The following BRMS1L variants were observed in gnomAD, a reference collection of about 807,000 sequenced individuals.
The protein encoded by BRMS1L is breast cancer metastasis-suppressor 1-like protein.
Under a neutral mutation model 50.3 loss-of-function variants are expected in BRMS1L, and 23 were observed. The ratio of observed to expected loss-of-function variants is 0.46; its 90% CI spans 0.33 to 0.65. The LOEUF (loss-of-function observed/expected upper bound fraction) is 0.65, where lower values mean the gene tolerates loss of function less well. Ranked by LOEUF, BRMS1L falls within the 30% of genes least tolerant of loss-of-function variation. The pLI is 0.02. For missense variants in BRMS1L, 286 were observed against 386.1 expected (o/e 0.74, Z 2.17); for synonymous variants, 114 against 126.9 (o/e 0.90, Z 0.69).
rs189941621 is a variant in BRMS1L at position 35,869,198 on chromosome 14, C to T, written c.855-1162C>T. On this transcript the variant is annotated intron_variant, in intron 9 of 9. Transcript: ENST00000216807. The stretch of plus-strand genomic sequence containing the variant: ...AGTTTATATATGATACTCCTGGATT[C>T]TTCTGTTTATGTTATTGTTTTTGAG... Among the ~76,000 whole-genome samples the T allele has an allele frequency of 4.0e-4, 61 of 152,194 alleles. No homozygotes were observed. In the Middle Eastern group the frequency reaches 0.014, roughly 34 times the overall value.
chr14:35,848,697 A>G (rs2078169227), intron 4 of BRMS1L, among the ~76,000 whole-genome samples: 1 of 152,132 alleles, frequency 6.6e-6, no homozygotes, highest in Non-Finnish European at 1.5e-5. Flanking sequence ...CTACATGTAA[A>G]TGAGATCATA....
intron 2 of BRMS1L, 129 bp from the exon 3 acceptor site, chr14:35,832,849 C>T: frequency 1.2e-6 from 1 of 839,638 alleles, no homozygotes; most frequent in Non-Finnish European, 1.7e-6. Flanking sequence ...TGCTTGAGAT[C>T]AAGGCAAAAT....
chr14:35,831,383 C>A, intron 1 of BRMS1L, 27 bp from the exon 2 acceptor site: 1 of 1,531,336 alleles, frequency 6.5e-7, no homozygotes, highest in Non-Finnish European at 9.0e-7. Context: ...TTAAGTTTAT[C>A]TTTTATATTT....
In BRMS1L at chr14:35,871,228, G is replaced by A. The variant is rs1189665101; in HGVS notation, c.*751G>A. The stretch of plus-strand genomic sequence containing the variant: ...GGTATTTATACCTGGTATTTATGAT[G>A]CAGTATATAAGTGGTGAACAATAAC... On this transcript the variant is annotated 3_prime_UTR_variant, in exon 10 of 10. Coordinates refer to ENST00000216807, the MANE Select transcript of BRMS1L (RefSeq NM_032352.4). 4 of 152,572 alleles carry A rather than the reference G, an allele frequency of 2.6e-5. No homozygotes were observed. Among genetic ancestry groups the A allele is most frequent in the Non-Finnish European group, 5.9e-5 (4 of 68,014 alleles). The allele number at this position is 152,572 out of a possible 1,614,324, so 9.5% of individuals were successfully genotyped here.
At chr14:35,828,212 G>C (rs537953589) in intron 1 of BRMS1L, among the ~76,000 whole-genome samples, 29 of 151,842 alleles carry the variant, frequency 1.9e-4, no homozygotes, top group African/African-American at 6.0e-4. Flanking sequence ...TCGCTCTGTT[G>C]CCCAGGCTGG....
chr14:35,836,999 G>A (rs930291277), intron 4 of BRMS1L, among the ~76,000 whole-genome samples: 1 of 151,994 alleles, frequency 6.6e-6, no homozygotes, highest in African/African-American at 2.4e-5. Flanking sequence ...TCTCTTTGTA[G>A]CAATTGTAAA....
At chr14:35,844,196 G>A (rs1330377586) in intron 4 of BRMS1L, among the ~76,000 whole-genome samples, 1 of 152,126 alleles carries the variant, frequency 6.6e-6, no homozygotes, top group Non-Finnish European at 1.5e-5. Flanking sequence ...GGAAGTAAAT[G>A]GTTCTTTCTC....
intron 4 of BRMS1L, among the ~76,000 whole-genome samples, chr14:35,853,475 G>A (rs908369017): frequency 6.6e-6 from 1 of 152,002 alleles, no homozygotes; most frequent in South Asian, 2.1e-4. Context: ...GTGCAGTGGT[G>A]TGATCGTGGC....
At chr14:35,853,398 TTAA>T (rs569904539) in intron 4 of BRMS1L, among the ~76,000 whole-genome samples, 172 of 151,304 alleles carry the variant, frequency 1.1e-3, no homozygotes, top group Non-Finnish European at 2.0e-3. Context: ...GATGATGATG[TTAA>T]TGATGATGAT....
At chr14:35,856,702 C>G (rs1355317783) in intron 4 of BRMS1L, among the ~76,000 whole-genome samples, 1 of 151,896 alleles carries the variant, frequency 6.6e-6, no homozygotes, top group Non-Finnish European at 1.5e-5. Context: ...AACTCTGCCT[C>G]CCAGGCTTAA....
At chr14:35,829,980 A>G (rs960231689) in intron 1 of BRMS1L, 2 of 349,518 alleles carry the variant, frequency 5.7e-6, no homozygotes, top group African/African-American at 4.5e-5. Flanking sequence ...TGATAGTAAT[A>G]TGGGTAGACG....
chr14:35,836,521 T>C (rs971942910), intron 4 of BRMS1L, among the ~76,000 whole-genome samples: 1 of 152,056 alleles, frequency 6.6e-6, no homozygotes. Context: ...TTAAAATTTT[T>C]TGTAGAGAAG....
At chr14:35,827,798 T>C (rs1304996287) in intron 1 of BRMS1L, among the ~76,000 whole-genome samples, 1 of 152,184 alleles carries the variant, frequency 6.6e-6, no homozygotes, top group Non-Finnish European at 1.5e-5. Context: ...CAATATTGGG[T>C]GGTCACAAAG....
intron 4 of BRMS1L, among the ~76,000 whole-genome samples, chr14:35,854,900 C>T (rs529606239): frequency 3.9e-5 from 6 of 152,332 alleles, no homozygotes; most frequent in Non-Finnish European, 7.3e-5. Context: ...TTGGAAGGTG[C>T]AGGTAGTCTG....
intron 9 of BRMS1L, among the ~76,000 whole-genome samples, chr14:35,869,742 A>G (rs972838265): frequency 6.6e-6 from 1 of 152,078 alleles, no homozygotes; most frequent in African/African-American, 2.4e-5. Context: ...GCTACTTGGG[A>G]GACTGAGGCA....
chr14:35,853,018 A>ATCTATCTATCTATC (rs1425702944), intron 4 of BRMS1L, among the ~76,000 whole-genome samples: 5,449 of 146,710 alleles, frequency 0.037, 110 homozygotes, highest in Middle Eastern at 0.056. Flanking sequence ...ATCTATCTAT[A>ATCTATCTATCTATC]TATAGAGAGA....
chr14:35,840,574 G>A (rs949594421), intron 4 of BRMS1L, among the ~76,000 whole-genome samples: 1 of 152,062 alleles, frequency 6.6e-6, no homozygotes, highest in Non-Finnish European at 1.5e-5. Context: ...TCAGGGATTC[G>A]ACTTCTTCTT....
intron 4 of BRMS1L, among the ~76,000 whole-genome samples, chr14:35,847,415 C>T (rs564127836): frequency 7.4e-4 from 113 of 152,320 alleles, no homozygotes; most frequent in African/African-American, 2.6e-3. Context: ...TCCTGCACCT[C>T]AGTCTCCCAA....
chr14:35,863,534 GTAAAA>G (rs1308669007), intron 5 of BRMS1L, among the ~76,000 whole-genome samples: 1 of 152,152 alleles, frequency 6.6e-6, no homozygotes, highest in Non-Finnish European at 1.5e-5. Context: ...CTCCTTGTCT[GTAAAA>G]GGAAAGTAAT....
Sources: gnomAD v4.1 joint callset for allele counts (sites outside exome capture counted in the v4.1 genomes callset) on GRCh38, gnomAD v4.1.1 for gene constraint, MANE v1.5 for transcripts, NCBI Gene and HGNC (gene_info 2026-07-23, HGNC 2026-07-21) for gene names.